TUSC3: variants seen among roughly 807,000 people sequenced by gnomAD.
The protein encoded by TUSC3 is dolichyl-diphosphooligosaccharide--protein glycosyltransferase subunit TUSC3.
A neutral mutation model predicts 44.8 loss-of-function variants in TUSC3; 45 were observed. The observed-to-expected ratio is 1.00, with a 90% CI of 0.79 to 1.29. TUSC3 has a LOEUF of 1.29. Ranked by LOEUF, TUSC3 falls within the 50% of genes most tolerant of loss-of-function variation. The pLI is 0.00. For synonymous variants in TUSC3, 212 were observed against 152.9 expected (o/e 1.39, Z -2.85); for missense variants, 519 against 437.9 (o/e 1.19, Z -1.65).
intron 10 of TUSC3, chr8:15,758,294 A>T (rs1812017734): frequency 1.0e-6 from 1 of 965,828 alleles, no homozygotes. Flanking sequence ...ACTTACTGAA[A>T]ACTTTTTTAA....
At chr8:15,703,299 C>A (rs1431947369) in intron 6 of TUSC3, among the ~76,000 whole-genome samples, 1 of 152,038 alleles carries the variant, frequency 6.6e-6, no homozygotes, top group African/African-American at 2.4e-5. Context: ...AGAGGTAAAA[C>A]AAATAACATA....
At chr8:15,800,556 G>A in the TUSC3 span, among the ~76,000 whole-genome samples, 3 of 151,332 alleles carry the variant, frequency 2.0e-5, no homozygotes, top group African/African-American at 7.3e-5. Context: ...CTGGATTTTG[G>A]GAGTGAGACC....
intron 6 of TUSC3, among the ~76,000 whole-genome samples, chr8:15,717,255 T>G (rs898383619): frequency 1.3e-5 from 2 of 152,104 alleles, no homozygotes; most frequent in Non-Finnish European, 2.9e-5. Flanking sequence ...GAATTGGCCT[T>G]AAAATCAAGG....
chr8:15,614,334 G>C (rs1804894374), intron 1 of TUSC3, among the ~76,000 whole-genome samples: 1 of 152,042 alleles, frequency 6.6e-6, no homozygotes. Flanking sequence ...ACTCATTTAA[G>C]TGTATGATTA....
intron 2 of TUSC3, among the ~76,000 whole-genome samples, chr8:15,649,296 G>A (rs1806777314): frequency 6.6e-6 from 1 of 152,044 alleles, no homozygotes; most frequent in Non-Finnish European, 1.5e-5. Context: ...TGAGTATTAA[G>A]AAGTTTAGCC....
At chr8:15,455,160 G>A (rs896512558) in intron 1 of TUSC3, among the ~76,000 whole-genome samples, 6 of 152,134 alleles carry the variant, frequency 3.9e-5, no homozygotes, top group African/African-American at 1.2e-4. Flanking sequence ...AGACACTTGG[G>A]TATGGAGATC....
At chr8:15,570,954 GTTTTTTT>G (rs549277334) in intron 1 of TUSC3, among the ~76,000 whole-genome samples, 4 of 44,494 alleles carry the variant, frequency 9.0e-5, no homozygotes, top group African/African-American at 2.3e-4. Context: ...TTGCCTATTA[GTTTTTTT>G]TTTTTTTTTT....
intron 1 of TUSC3, among the ~76,000 whole-genome samples, chr8:15,476,162 G>A (rs566102605): frequency 6.6e-6 from 1 of 152,264 alleles, no homozygotes; most frequent in African/African-American, 2.4e-5. Flanking sequence ...GTTTTATGCT[G>A]TTATGTAAGA....
intron 3 of TUSC3, among the ~76,000 whole-genome samples, chr8:15,659,152 A>G (rs975172970): frequency 2.6e-5 from 4 of 152,190 alleles, no homozygotes; most frequent in Non-Finnish European, 5.9e-5. Context: ...AAAATAATTC[A>G]TGTACTGCCA....
chr8:15,603,552 G>C (rs940099225), intron 1 of TUSC3, among the ~76,000 whole-genome samples: 9 of 151,296 alleles, frequency 5.9e-5, no homozygotes, highest in African/African-American at 2.2e-4. Flanking sequence ...CAATATATAG[G>C]ATTATAAAAG....
chr8:15,585,387 A>G (rs570631163), intron 1 of TUSC3, among the ~76,000 whole-genome samples: 4 of 152,336 alleles, frequency 2.6e-5, no homozygotes, highest in African/African-American at 9.6e-5. Context: ...TCTTTTTCTC[A>G]TGACCTAGAG....
intron 7 of TUSC3, among the ~76,000 whole-genome samples, chr8:15,737,612 G>T (rs762413013): frequency 3.3e-5 from 5 of 152,160 alleles, no homozygotes; most frequent in Non-Finnish European, 5.9e-5. Flanking sequence ...AAGTATGTGT[G>T]TATAGGATAA....
chr8:15,651,878 C>T (rs1002681645), intron 3 of TUSC3, among the ~76,000 whole-genome samples: 3 of 152,134 alleles, frequency 2.0e-5, no homozygotes, highest in South Asian at 2.1e-4. Context: ...TTGTTGACAT[C>T]GAGAGCTTAT....
At chr8:15,636,813 C>CT (rs1166461549) in intron 2 of TUSC3, among the ~76,000 whole-genome samples, 2 of 152,128 alleles carry the variant, frequency 1.3e-5, no homozygotes, top group African/African-American at 4.8e-5. Flanking sequence ...GTTGGGCCTC[C>CT]TTTTTGGGGT....
At chr8:15,775,274 G>A in the TUSC3 span, among the ~76,000 whole-genome samples, 12 of 152,130 alleles carry the variant, frequency 7.9e-5, no homozygotes, top group African/African-American at 2.9e-4. Flanking sequence ...TACACAAAAA[G>A]CAGATGCGTG....
rs558212872 is a variant in TUSC3 at position 15,746,237 on chromosome 8, T to A, written c.938-2138T>A. On this transcript the variant is annotated intron_variant, in intron 8 of 10. Transcript: ENST00000503731. Reference sequence around the variant, plus strand: ...TATTGTAGCAATATGATACTCAATTTATTAAATCACCGTTTTCAACTCCTC... The same window carrying A: ...TATTGTAGCAATATGATACTCAATTAATTAAATCACCGTTTTCAACTCCTC... Among the ~76,000 whole-genome samples, 3 of 152,254 alleles carry A rather than the reference T, an allele frequency of 2.0e-5. No homozygotes were observed. In the East Asian group the frequency reaches 5.8e-4, roughly 29 times the overall value.
At chr8:15,543,889 A>T (rs766704247) in intron 1 of TUSC3, among the ~76,000 whole-genome samples, 16 of 149,238 alleles carry the variant, frequency 1.1e-4, no homozygotes, top group Non-Finnish European at 2.2e-4. Flanking sequence ...ATCATAGAAG[A>T]CTTGGTGATA....
intron 2 of TUSC3, among the ~76,000 whole-genome samples, chr8:15,506,276 C>T (rs781294059): frequency 1.3e-5 from 2 of 152,188 alleles, no homozygotes; most frequent in Non-Finnish European, 2.9e-5. Context: ...TCCCCTGAGG[C>T]TAGTTCTAGA....
intron 5 of TUSC3, among the ~76,000 whole-genome samples, 162 bp downstream of exon 5, chr8:15,662,458 A>G (rs375977547): frequency 2.4e-4 from 35 of 148,460 alleles, no homozygotes; most frequent in African/African-American, 8.2e-4. Context: ...TTTTCTGTCA[A>G]TCAAAACTGT....
Sources: gnomAD v4.1 joint callset for allele counts (sites outside exome capture counted in the v4.1 genomes callset) on GRCh38, gnomAD v4.1.1 for gene constraint, MANE v1.5 for transcripts, NCBI Gene and HGNC (gene_info 2026-07-23, HGNC 2026-07-21) for gene names.